The following LAMA2 variants were observed in gnomAD, a reference collection of about 807,000 sequenced individuals.
LAMA2 encodes the protein laminin subunit alpha-2.
In LAMA2, 269 loss-of-function variants were observed where a neutral mutation model predicts 364.8. The ratio of observed to expected loss-of-function variants is 0.74; its 90% CI spans 0.67 to 0.82. LAMA2 has a LOEUF of 0.82. Among genes scored for constraint, LAMA2 ranks in the 40% least tolerant of loss-of-function variants. The pLI is 0.00. For missense variants in LAMA2, 3,807 were observed against 3,873.2 expected, an observed-to-expected ratio of 0.98 and a Z score of 0.45; for synonymous variants, 1,379 against 1,370.6, an observed-to-expected ratio of 1.01 and a Z score of -0.14.
intron 1 of LAMA2, among the ~76,000 whole-genome samples, chr6:128,895,070 A>T (rs4617014): frequency 0.095 from 14,431 of 152,190 alleles, 716 homozygotes; most frequent in South Asian, 0.12. Flanking sequence ...TAAATTTTGC[A>T]ATCAGAAAAA....
chr6:129,345,257 T>C (rs2114575179), intron 30 of LAMA2, among the ~76,000 whole-genome samples: 1 of 152,278 alleles, frequency 6.6e-6, no homozygotes, highest in South Asian at 2.1e-4. Context: ...CTATTGAACA[T>C]GCCTGGGCTA....
chr6:129,487,809 G>C (rs1395043832), intron 56 of LAMA2, among the ~76,000 whole-genome samples: 3 of 152,062 alleles, frequency 2.0e-5, no homozygotes, highest in Non-Finnish European at 4.4e-5. Context: ...AGACAAATGA[G>C]GGATCATTTA....
intron 1 of LAMA2, among the ~76,000 whole-genome samples, chr6:128,909,317 C>A (rs937590438): frequency 6.6e-6 from 1 of 151,984 alleles, no homozygotes; most frequent in South Asian, 2.1e-4. Context: ...AATCTGGGTG[C>A]TCCTGTGTTG....
chr6:129,009,122 G>T (rs1193136080), intron 1 of LAMA2, among the ~76,000 whole-genome samples: 1 of 152,044 alleles, frequency 6.6e-6, no homozygotes, highest in East Asian at 1.9e-4. Flanking sequence ...GGTGGTCATG[G>T]GGAAATGGTC....
At chr6:129,243,644 A>C (rs1418676294) in intron 12 of LAMA2, among the ~76,000 whole-genome samples, 2 of 151,940 alleles carry the variant, frequency 1.3e-5, no homozygotes, top group African/African-American at 4.8e-5. Flanking sequence ...ACTTTTCATC[A>C]CTACTTTTTA....
chr6:129,005,863 G>C (rs1163227524), intron 1 of LAMA2, among the ~76,000 whole-genome samples: 1 of 150,394 alleles, frequency 6.6e-6, no homozygotes, highest in Non-Finnish European at 1.5e-5. Context: ...ATATATAAAC[G>C]CTTGGCCATT....
chr6:129,201,526 G>A, intron 12 of LAMA2, among the ~76,000 whole-genome samples: 1 of 152,180 alleles, frequency 6.6e-6, no homozygotes, highest in East Asian at 1.9e-4. Context: ...AACACCCAAA[G>A]TGGAATGTCT....
intron 1 of LAMA2, among the ~76,000 whole-genome samples, chr6:128,935,029 G>A (rs1251928850): frequency 5.3e-5 from 8 of 151,752 alleles, no homozygotes; most frequent in East Asian, 1.9e-4. Context: ...AAATTTATTC[G>A]TATATATTTC....
chr6:129,219,447 T>A (rs1003639168), intron 12 of LAMA2, among the ~76,000 whole-genome samples: 3 of 151,690 alleles, frequency 2.0e-5, no homozygotes, highest in African/African-American at 7.3e-5. Context: ...GAACTTGAAA[T>A]ACCATTTGAC....
intron 6 of LAMA2, among the ~76,000 whole-genome samples, chr6:129,148,574 C>G (rs1261580587): frequency 6.6e-6 from 1 of 151,956 alleles, no homozygotes; most frequent in Non-Finnish European, 1.5e-5. Flanking sequence ...TACCTGCACC[C>G]CTAGAGGCCT....
intron 55 of LAMA2, among the ~76,000 whole-genome samples, chr6:129,485,749 G>A (rs1187102608): frequency 6.6e-6 from 1 of 152,168 alleles, no homozygotes; most frequent in African/African-American, 2.4e-5. Context: ...GGAACATGAT[G>A]ATGTTTGATG....
intron 37 of LAMA2, among the ~76,000 whole-genome samples, chr6:129,396,570 G>T (rs1388882910): frequency 6.6e-6 from 1 of 152,166 alleles, no homozygotes; most frequent in Non-Finnish European, 1.5e-5. Context: ...CCAACTAGAT[G>T]GTGATGGAGT....
chr6:129,239,784 G>A (rs1384989398), intron 12 of LAMA2, among the ~76,000 whole-genome samples: 1 of 152,146 alleles, frequency 6.6e-6, no homozygotes, highest in Non-Finnish European at 1.5e-5. Context: ...CCAAGTAGCT[G>A]GAATTATAGT....
intron 3 of LAMA2, among the ~76,000 whole-genome samples, chr6:129,072,230 A>T (rs1773364325): frequency 6.6e-6 from 1 of 152,206 alleles, no homozygotes; most frequent in Non-Finnish European, 1.5e-5. Context: ...AGTTATATTT[A>T]TATATATTGA....
At chr6:129,290,765 G>C (rs1789637470) in intron 19 of LAMA2, among the ~76,000 whole-genome samples, 1 of 152,108 alleles carries the variant, frequency 6.6e-6, no homozygotes, top group Admixed American at 6.5e-5. Flanking sequence ...GCTTTAGACT[G>C]ATTTACTCTA....
intron 28 of LAMA2, among the ~76,000 whole-genome samples, chr6:129,325,382 A>T (rs2114524730): frequency 6.6e-6 from 1 of 152,258 alleles, no homozygotes; most frequent in South Asian, 2.1e-4. Context: ...CTCAAAAAGT[A>T]ACTTTTTTGC....
chr6:129,272,274 G>A (rs1202950534), intron 17 of LAMA2, among the ~76,000 whole-genome samples: 1 of 152,098 alleles, frequency 6.6e-6, no homozygotes, highest in East Asian at 1.9e-4. Context: ...TAAATGCTGG[G>A]TTCCATACTT....
chr6:129,190,092 A>T, intron 10 of LAMA2, 113 bp from the exon 11 acceptor site: 1 of 1,036,512 alleles, frequency 9.6e-7, no homozygotes, highest in Non-Finnish European at 1.5e-6. Flanking sequence ...CGTTAAATAT[A>T]GTTGAGAGGG....
chr6:129,041,483 C>T (rs1378436996), intron 1 of LAMA2, among the ~76,000 whole-genome samples: 1 of 152,176 alleles, frequency 6.6e-6, no homozygotes, highest in Non-Finnish European at 1.5e-5. Context: ...GATAGTTTTC[C>T]TTTGCTGTAT....
Sources: allele counts gnomAD v4.1 joint callset (sites outside exome capture counted in the v4.1 genomes callset), GRCh38; gene constraint gnomAD v4.1.1; transcripts MANE v1.5; gene names NCBI Gene and HGNC (gene_info 2026-07-23, HGNC 2026-07-21).